Variants in NOVA1 observed in about 807,000 individuals in gnomAD.
NOVA1 encodes NOVA alternative splicing regulator 1, also known as RNA-binding protein Nova-1.
In NOVA1, 7 loss-of-function variants were observed where a neutral mutation model predicts 38.0. The ratio of observed to expected loss-of-function variants is 0.18; its 90% CI spans 0.10 to 0.35. NOVA1 has a LOEUF of 0.35. NOVA1 is among the 10% of genes least tolerant of loss of function. The probability of loss-of-function intolerance (pLI) is 1.00; values close to 1 mark genes in which losing one functional copy is unlikely to be tolerated. For missense variants in NOVA1, 460 were observed against 616.0 expected (o/e 0.75, Z 2.68); for synonymous variants, 270 against 232.5 (o/e 1.16, Z -1.47).
At chr14:26,556,341 C>A (rs1023218202) in intron 2 of NOVA1, among the ~76,000 whole-genome samples, 11 of 152,092 alleles carry the variant, frequency 7.2e-5, no homozygotes, top group Non-Finnish European at 1.2e-4. Flanking sequence ...CAGAAACAAA[C>A]CCACATCAAC....
chr14:26,539,756 A>G (rs985286589), intron 2 of NOVA1, among the ~76,000 whole-genome samples: 1 of 152,186 alleles, frequency 6.6e-6, no homozygotes, highest in African/African-American at 2.4e-5. Flanking sequence ...ACATTTCAAA[A>G]GCAAGGATAA....
intron 4 of NOVA1, among the ~76,000 whole-genome samples, chr14:26,449,583 A>T (rs1385148808): frequency 6.6e-6 from 1 of 152,160 alleles, no homozygotes; most frequent in Non-Finnish European, 1.5e-5. Context: ...CATATGAAAT[A>T]TAACTTCATA....
chr14:26,570,992 G>C (rs1056793877), intron 2 of NOVA1, among the ~76,000 whole-genome samples: 5 of 148,650 alleles, frequency 3.4e-5, no homozygotes, highest in Middle Eastern at 6.8e-3. Context: ...ATGCACAGCT[G>C]CAAGAATCAC....
chr14:26,573,685 G>T (rs1014220740), intron 2 of NOVA1, among the ~76,000 whole-genome samples: 2 of 152,122 alleles, frequency 1.3e-5, no homozygotes, highest in Non-Finnish European at 2.9e-5. Context: ...CCTTAAAGAT[G>T]ACCTAAATAA....
At chr14:26,505,478 T>G (rs1363460942) in intron 2 of NOVA1, among the ~76,000 whole-genome samples, 2 of 152,106 alleles carry the variant, frequency 1.3e-5, no homozygotes, top group Non-Finnish European at 2.9e-5. Flanking sequence ...ACTGTAAGTT[T>G]CCGGAAGTCT....
At chr14:26,594,593 C>A (rs1894061944) in intron 2 of NOVA1, 1 of 151,948 alleles carries the variant, frequency 6.6e-6, no homozygotes, top group Admixed American at 6.5e-5. Flanking sequence ...AAATGTACTA[C>A]TCAATTACAG....
chr14:26,475,712 G>A (rs1321405342), intron 3 of NOVA1, among the ~76,000 whole-genome samples: 1 of 152,058 alleles, frequency 6.6e-6, no homozygotes, highest in Non-Finnish European at 1.5e-5. Context: ...TTAAAACAGT[G>A]GATCTTTTGG....
At chr14:26,486,432 G>A (rs888865370) in intron 2 of NOVA1, among the ~76,000 whole-genome samples, 7 of 151,806 alleles carry the variant, frequency 4.6e-5, no homozygotes, top group East Asian at 1.9e-4. Flanking sequence ...GTTCCGGGCC[G>A]GGCATGGTGG....
At chr14:26,577,324 C>T (rs574024203) in intron 2 of NOVA1, among the ~76,000 whole-genome samples, 13 of 152,120 alleles carry the variant, frequency 8.5e-5, no homozygotes, top group African/African-American at 2.9e-4. Flanking sequence ...ATATAAATTT[C>T]CTACAGGGTT....
At chr14:26,534,439 T>C (rs1889933106) in intron 2 of NOVA1, among the ~76,000 whole-genome samples, 1 of 152,056 alleles carries the variant, frequency 6.6e-6, no homozygotes, top group African/African-American at 2.4e-5. Flanking sequence ...GGCATTTGCA[T>C]TAAAATTGAA....
chr14:26,529,954 CTG>C (rs1054929448), intron 2 of NOVA1, among the ~76,000 whole-genome samples: 4 of 151,682 alleles, frequency 2.6e-5, no homozygotes, highest in African/African-American at 9.7e-5. Context: ...TTTTTTCACT[CTG>C]TCGCCCAGGC....
At chr14:26,592,115 T>G (rs1472761040) in intron 2 of NOVA1, among the ~76,000 whole-genome samples, 1 of 151,532 alleles carries the variant, frequency 6.6e-6, no homozygotes, top group Non-Finnish European at 1.5e-5. Flanking sequence ...CATACATCCG[T>G]TATCATTTCC....
chr14:26,568,404 A>G (rs1231640665), intron 2 of NOVA1: 2 of 152,148 alleles, frequency 1.3e-5, no homozygotes, highest in African/African-American at 4.8e-5. Context: ...CAACTGCATG[A>G]TTTTGGTCAG....
intron 4 of NOVA1, among the ~76,000 whole-genome samples, chr14:26,464,017 G>A (rs1175907008): frequency 4.6e-5 from 7 of 152,082 alleles, no homozygotes; most frequent in African/African-American, 1.7e-4. Context: ...GAGAAAACAC[G>A]CATGGCAAAA....
intron 2 of NOVA1, among the ~76,000 whole-genome samples, chr14:26,508,275 A>G (rs1887793408): frequency 2.0e-5 from 3 of 152,056 alleles, no homozygotes; most frequent in African/African-American, 7.2e-5. Context: ...AAATGTTCTT[A>G]TAGAATTAGG....
intron 2 of NOVA1, among the ~76,000 whole-genome samples, chr14:26,486,332 CTCTTA>C (rs1217756647): frequency 6.6e-6 from 1 of 152,016 alleles, no homozygotes; most frequent in African/African-American, 2.4e-5. Context: ...ACAGGCTCTT[CTCTTA>C]TAATTTGCTG....
At chr14:26,569,529 A>C (rs1892343282) in intron 2 of NOVA1, among the ~76,000 whole-genome samples, 1 of 152,224 alleles carries the variant, frequency 6.6e-6, no homozygotes, top group Non-Finnish European at 1.5e-5. Context: ...GATGTGAATG[A>C]TACGTTAAGA....
At chr14:26,478,821 T>G (rs541865827) in intron 3 of NOVA1, among the ~76,000 whole-genome samples, 1 of 152,044 alleles carries the variant, frequency 6.6e-6, no homozygotes, top group South Asian at 2.1e-4. Flanking sequence ...CATTTTTGTA[T>G]AGAATAACAA....
In NOVA1 at chr14:26,501,632, GA is replaced by G. The variant is rs35187211; in HGVS notation, c.281-21490del. ...TAATTTAAAAATTGTTATATTATTT[GA>G]AAAAAACACAGGCATTATTGGTAAG... On this transcript the variant is annotated intron_variant, in intron 2 of 4. Coordinates refer to ENST00000539517, the MANE Select transcript of NOVA1 (RefSeq NM_002515.3). Among the ~76,000 whole-genome samples, 1,003 of 151,668 alleles carry G rather than the reference GA, an allele frequency of 6.6e-3. 3 individuals are homozygous for G. Among genetic ancestry groups the G allele is most frequent in the Non-Finnish European group, 0.012 (798 of 67,734 alleles).
Sources: gnomAD v4.1 joint callset for allele counts (sites outside exome capture counted in the v4.1 genomes callset) on GRCh38, gnomAD v4.1.1 for gene constraint, MANE v1.5 for transcripts, NCBI Gene and HGNC (gene_info 2026-07-23, HGNC 2026-07-21) for gene names.